Variants in VPS53 observed in about 807,000 individuals in gnomAD.
VPS53 encodes the protein VPS53 subunit of GARP complex, also known as vacuolar protein sorting-associated protein 53 homolog.
A neutral mutation model predicts 107.0 loss-of-function variants in VPS53; 70 were observed. The ratio of observed to expected loss-of-function variants is 0.65; its 90% CI spans 0.54 to 0.80. VPS53 has a LOEUF of 0.80. VPS53 is among the 30% of genes least tolerant of loss of function. The pLI, the probability that VPS53 is intolerant of heterozygous loss-of-function variation, is 0.00. For synonymous variants in VPS53, 409 were observed against 393.3 expected, an observed-to-expected ratio of 1.04 and a Z score of -0.47; for missense variants, 917 against 1,049.4, an observed-to-expected ratio of 0.87 and a Z score of 1.74.
chr17:581,520 C>T (rs137982420), intron 13 of VPS53, among the ~76,000 whole-genome samples: 1 of 151,416 alleles, frequency 6.6e-6, no homozygotes, highest in African/African-American at 2.4e-5. Context: ...CTACTGCGTT[C>T]CCAGAGAACC....
At chr17:627,100 G>T in intron 10 of VPS53, 74 bp downstream of exon 10, 1 of 1,547,186 alleles carries the variant, frequency 6.5e-7, no homozygotes, top group South Asian at 1.2e-5. Context: ...AGGACAACAT[G>T]GAACCATTAG....
intron 7 of VPS53, among the ~76,000 whole-genome samples, chr17:647,978 C>A (rs781285669): frequency 7.9e-5 from 12 of 152,302 alleles, no homozygotes; most frequent in Middle Eastern, 3.4e-3. Context: ...ACCGTGAATG[C>A]GTGAATGCTC....
chr17:602,860 A>G (rs1296587618), intron 11 of VPS53, among the ~76,000 whole-genome samples: 1 of 152,194 alleles, frequency 6.6e-6, no homozygotes, highest in Non-Finnish European at 1.5e-5. Context: ...TGGGAGCTGA[A>G]GGCTTTAGCA....
intron 15 of VPS53, among the ~76,000 whole-genome samples, chr17:558,885 C>T (rs1912689322): frequency 6.6e-6 from 1 of 151,474 alleles, no homozygotes; most frequent in African/African-American, 2.4e-5. Context: ...ATCCCAGCTA[C>T]TCAGGAGGCT....
At chr17:523,713 G>A (rs1164756183) in intron 19 of VPS53, among the ~76,000 whole-genome samples, 1 of 152,230 alleles carries the variant, frequency 6.6e-6, no homozygotes, top group Non-Finnish European at 1.5e-5. Flanking sequence ...TCATTCAACT[G>A]TAGCCAGCAA....
Position 712,382 on chromosome 17 carries a change from T to C in VPS53, c.88-1769A>G, listed in dbSNP as rs539991307. Among the ~76,000 whole-genome samples the C allele has an allele frequency of 1.1e-4, 16 of 151,708 alleles. 1 individual carries two copies. Among genetic ancestry groups the C allele is most frequent in the African/African-American group, 3.6e-4 (15 of 41,350 alleles). ...TTTTAGGAGAGACGGGGTTTCACCA[T>C]GTTGGCCAGGCTGGTCTTGAACTCC... is the stretch of plus-strand genomic sequence containing the variant. On this transcript the variant is annotated intron_variant, in intron 1 of 21. Transcript: ENST00000437048.
At chr17:681,310 T>A (rs1972384764) in intron 4 of VPS53, among the ~76,000 whole-genome samples, 1 of 152,174 alleles carries the variant, frequency 6.6e-6, no homozygotes, top group Non-Finnish European at 1.5e-5. Flanking sequence ...CTAACTTTTG[T>A]ATTTTTAGTA....
intron 13 of VPS53, among the ~76,000 whole-genome samples, chr17:584,890 A>G (rs1397319405): frequency 2.6e-5 from 4 of 152,230 alleles, no homozygotes; most frequent in African/African-American, 9.7e-5. Flanking sequence ...CCATGAGTTC[A>G]TACTGATATA....
chr17:616,246 G>C (rs1204873574), intron 11 of VPS53: 1 of 152,250 alleles, frequency 6.6e-6, no homozygotes, highest in African/African-American at 2.4e-5. Flanking sequence ...GTAGGAGGAC[G>C]AAGTTGAATT....
chr17:571,281 A>C (rs1174353472), intron 13 of VPS53, among the ~76,000 whole-genome samples: 9 of 151,766 alleles, frequency 5.9e-5, no homozygotes, highest in Non-Finnish European at 2.9e-5. Context: ...AGAGAAAGGG[A>C]AAGAGAGAAA....
chr17:563,216 G>A (rs922877103), intron 13 of VPS53, among the ~76,000 whole-genome samples: 1 of 148,806 alleles, frequency 6.7e-6, no homozygotes, highest in Non-Finnish European at 1.5e-5. Context: ...GATAGTGATC[G>A]TTTTCTGAAC....
At chr17:536,851 C>A in intron 18 of VPS53, 177 bp downstream of exon 18, 1 of 723,988 alleles carries the variant, frequency 1.4e-6, no homozygotes. Flanking sequence ...AACGAATGTG[C>A]CACTTTGTGT....
At chr17:564,728 A>C (rs973705011) in intron 13 of VPS53, among the ~76,000 whole-genome samples, 4 of 152,018 alleles carry the variant, frequency 2.6e-5, no homozygotes, top group African/African-American at 9.7e-5. Flanking sequence ...GGAAAAAAAA[A>C]ACAAAAACCA....
chr17:668,400 A>C (rs1367012808), intron 4 of VPS53, among the ~76,000 whole-genome samples: 1 of 152,210 alleles, frequency 6.6e-6, no homozygotes, highest in African/African-American at 2.4e-5. Flanking sequence ...GCTCTGAATA[A>C]GTGCGCTCAT....
At chr17:553,270 G>A (rs1449263239) in intron 16 of VPS53, 110 bp downstream of exon 16, 2 of 875,570 alleles carry the variant, frequency 2.3e-6, no homozygotes, top group South Asian at 1.5e-5. Context: ...CTGCTGTGTA[G>A]TGGAGAAAGG....
chr17:545,049 C>A (rs1021071706), intron 17 of VPS53, among the ~76,000 whole-genome samples: 3 of 152,120 alleles, frequency 2.0e-5, no homozygotes, highest in African/African-American at 4.8e-5. Context: ...CCACCGCACC[C>A]AAGCCTGGGC....
At chr17:643,569 A>C (rs62056510) in intron 7 of VPS53, among the ~76,000 whole-genome samples, 782 of 7,094 alleles carry the variant, frequency 0.11, 12 homozygotes, top group Middle Eastern at 0.21. Flanking sequence ...TCATACTTGG[A>C]AACCGAGGAC....
At chr17:622,307 G>C (rs534818544) in intron 11 of VPS53, among the ~76,000 whole-genome samples, 1 of 152,016 alleles carries the variant, frequency 6.6e-6, no homozygotes, top group South Asian at 2.1e-4. Flanking sequence ...CAGCAGAATC[G>C]GGATTAGACC....
intron 12 of VPS53, among the ~76,000 whole-genome samples, chr17:595,663 G>A (rs1967931960): frequency 7.8e-6 from 1 of 127,796 alleles, no homozygotes; most frequent in South Asian, 3.0e-4. Context: ...TTCCTGGTTT[G>A]ATGATGCACT....
Sources: allele counts gnomAD v4.1 joint callset (sites outside exome capture counted in the v4.1 genomes callset), GRCh38; gene constraint gnomAD v4.1.1; transcripts MANE v1.5; gene names NCBI Gene and HGNC (gene_info 2026-07-23, HGNC 2026-07-21).